RAB3B: variants seen among roughly 807,000 people sequenced by gnomAD.
RAB3B encodes RAB3B, member RAS oncogene family.
RAB3B carries 11 observed loss-of-function variants against 20.5 expected under a neutral mutation model. That is an observed-to-expected ratio of 0.54 (90% CI 0.34 to 0.89). RAB3B has a LOEUF of 0.89. Among genes scored for constraint, RAB3B ranks in the 40% least tolerant of loss-of-function variants. The probability of loss-of-function intolerance (pLI) is 0.02; values close to 1 mark genes in which losing one functional copy is unlikely to be tolerated. For missense variants in RAB3B, 225 were observed against 280.9 expected (o/e 0.80, Z 1.42); for synonymous variants, 99 against 106.3 (o/e 0.93, Z 0.42).
chr1:51,975,032 G>A (rs985409218), intron 2 of RAB3B, among the ~76,000 whole-genome samples: 3 of 151,994 alleles, frequency 2.0e-5, no homozygotes, highest in Admixed American at 6.6e-5. Context: ...TGGTGAACAT[G>A]GTGAAAACCC....
chr1:51,922,685 T>A lies in RAB3B; in HGVS notation c.473-2571A>T, dbSNP rs539713117. Among the ~76,000 whole-genome samples, 5 of 152,004 alleles carry A rather than the reference T, an allele frequency of 3.3e-5. No individual in the cohort carries two copies. The South Asian group carries it at 6.2e-4, about 19-fold the overall frequency. On this transcript the variant is annotated intron_variant, in intron 4 of 4. Transcript: ENST00000371655. ...TCAATAAGCCAGGTCTTTTTTTTTT[T>A]AATTTCATTTTTATTTATTTATTTT...
At chr1:51,943,400 C>T (rs12030726) in intron 2 of RAB3B, among the ~76,000 whole-genome samples, 2 of 87,852 alleles carry the variant, frequency 2.3e-5, no homozygotes, top group African/African-American at 3.6e-5. Flanking sequence ...ATAATAACAA[C>T]AACAACAACA....
At chr1:51,958,825 G>A (rs1161509836) in intron 2 of RAB3B, among the ~76,000 whole-genome samples, 1 of 152,236 alleles carries the variant, frequency 6.6e-6, no homozygotes, top group Non-Finnish European at 1.5e-5. Context: ...AACTGATAGG[G>A]GTGGGGGTGG....
At chr1:51,981,075 G>A (rs1167180) in intron 1 of RAB3B, among the ~76,000 whole-genome samples, 114,290 of 152,028 alleles carry the variant, frequency 0.75, 46,029 homozygotes, top group Middle Eastern at 0.88. Context: ...CTGTCGCCCA[G>A]GCTGGAGTGC....
intron 2 of RAB3B, among the ~76,000 whole-genome samples, chr1:51,966,954 A>T (rs1032185129): frequency 1.3e-5 from 2 of 152,150 alleles, no homozygotes; most frequent in Non-Finnish European, 2.9e-5. Flanking sequence ...GGGTCAAGGG[A>T]CATCACCATG....
At chr1:51,983,465 G>A (rs1446398504) in intron 1 of RAB3B, among the ~76,000 whole-genome samples, 1 of 152,168 alleles carries the variant, frequency 6.6e-6, no homozygotes, top group African/African-American at 2.4e-5. Flanking sequence ...AGGAGCAATA[G>A]GCTATCTATT....
At chr1:51,961,462 G>A (rs1212830227) in intron 2 of RAB3B, among the ~76,000 whole-genome samples, 1 of 152,066 alleles carries the variant, frequency 6.6e-6, no homozygotes, top group Non-Finnish European at 1.5e-5. Context: ...GCAGTTTGGT[G>A]TGAAAAGAAC....
intron 2 of RAB3B, among the ~76,000 whole-genome samples, chr1:51,944,189 C>T (rs967671792): frequency 2.0e-5 from 3 of 152,208 alleles, no homozygotes; most frequent in Non-Finnish European, 2.9e-5. Context: ...TCTACCCTGC[C>T]TGTGCTCTAG....
intron 4 of RAB3B, among the ~76,000 whole-genome samples, chr1:51,923,602 C>G (rs931157123): frequency 3.3e-5 from 5 of 151,980 alleles, no homozygotes; most frequent in Admixed American, 2.0e-4. Flanking sequence ...GTAATCCCAG[C>G]TACTCGGGAG....
At position 51,919,670 on chromosome 1, in the gene RAB3B, T is replaced by C. The variant is rs1684142149; in HGVS notation, c.*257A>G. Reference sequence around the variant, plus strand: ...AAGTCCCTGTAGTGAATCCCCTTCGTAAAACAGAGTCTTCTTTTGTAAAGT... The same window carrying C: ...AAGTCCCTGTAGTGAATCCCCTTCGCAAAACAGAGTCTTCTTTTGTAAAGT... On this transcript the variant is annotated 3_prime_UTR_variant, in exon 5 of 5. Transcript: ENST00000371655. 8.0e-6 allele frequency: 3 copies of C among 372,738 alleles called. No individual in the cohort carries two copies. In the East Asian group the frequency reaches 1.2e-4, roughly 15 times the overall value. 23.1% of individuals were successfully genotyped at this position (372,738 alleles called of 1,614,324 possible). A position where few individuals can be genotyped will look rare whatever the true frequency, so the allele number is the denominator to read the frequency against.
At chr1:51,931,626 T>C (rs1436584557) in intron 4 of RAB3B, among the ~76,000 whole-genome samples, 1 of 152,182 alleles carries the variant, frequency 6.6e-6, no homozygotes, top group African/African-American at 2.4e-5. Flanking sequence ...AAGATTCATT[T>C]CCTGTCTGCA....
chr1:51,983,331 A>G (rs1685111739), intron 1 of RAB3B, among the ~76,000 whole-genome samples: 1 of 152,152 alleles, frequency 6.6e-6, no homozygotes, highest in South Asian at 2.1e-4. Flanking sequence ...CAAAAAAAAA[A>G]ACCATCATAT....
chr1:51,989,103 GCACACA>G lies in RAB3B; in HGVS notation c.-1+1443_-1+1448del, dbSNP rs60307928. Among the ~76,000 whole-genome samples the G allele has an allele frequency of 1.5e-4, 20 of 132,756 alleles. No individual in the cohort carries two copies. The East Asian group carries it at 2.7e-3, about 18-fold the overall frequency. The allele number at this position is 132,756 out of a possible 152,430, so 87.1% of individuals were successfully genotyped here. On this transcript the variant is annotated intron_variant, in intron 1 of 4. Transcript: ENST00000371655. Reference sequence around the variant, plus strand: ...CAGGTGGACACCCACCTGTGCGCGCGCACACACACACACACACACACACACACACAT... The same window carrying G: ...CAGGTGGACACCCACCTGTGCGCGCGCACACACACACACACACACACACAT...
intron 1 of RAB3B, among the ~76,000 whole-genome samples, chr1:51,988,336 G>A (rs1685176742): frequency 6.6e-6 from 1 of 152,074 alleles, no homozygotes; most frequent in African/African-American, 2.4e-5. Context: ...TGTTTTCCCA[G>A]GTCTCCTAGA....
rs765750284 is a variant in RAB3B, at chr1:51,920,039, A to G, written c.548T>C (p.Ile183Thr). ...RQAFERLVDAICDKMSDSLDT... is the reference protein window; with the variant it reads ...RQAFERLVDATCDKMSDSLDT... Reference sequence around the variant, plus strand: ...CAGCGAATCAGACATCTTGTCACAAATGGCATCCACCAGGCGCTCAAAGGC... The same window carrying G: ...CAGCGAATCAGACATCTTGTCACAAGTGGCATCCACCAGGCGCTCAAAGGC... Residue 183 changes from isoleucine (I) to threonine (T), a missense_variant, in exon 5 of 5, where the codon ATT becomes ACT. Physicochemically the swap from Ile to Thr is moderately conservative, Grantham distance 89. Coordinates refer to ENST00000371655, the MANE Select transcript of RAB3B (RefSeq NM_002867.4). The G allele has an allele frequency of 1.2e-6, 2 of 1,613,990 alleles. No individual in the cohort carries two copies. Among genetic ancestry groups the G allele is most frequent in the Non-Finnish European group, 1.7e-6 (2 of 1,180,006 alleles).
At chr1:51,933,581 G>C (rs1285141848) in intron 3 of RAB3B, 139 bp from the exon 4 acceptor site, 18 of 742,392 alleles carry the variant, frequency 2.4e-5, no homozygotes. Flanking sequence ...ATGTAATTAT[G>C]TCAATGAGGC....
At chr1:51,964,011 A>G (rs558920548) in intron 2 of RAB3B, among the ~76,000 whole-genome samples, 1 of 151,510 alleles carries the variant, frequency 6.6e-6, no homozygotes, top group Non-Finnish European at 1.5e-5. Flanking sequence ...AAAAACAAAA[A>G]CCTCTTCTGA....
intron 2 of RAB3B, among the ~76,000 whole-genome samples, chr1:51,950,275 C>T (rs1232613312): frequency 1.3e-5 from 2 of 152,208 alleles, no homozygotes; most frequent in Admixed American, 1.3e-4. Context: ...AGGGACCTGT[C>T]CCTATCTGCC....
intron 4 of RAB3B, among the ~76,000 whole-genome samples, chr1:51,930,471 T>C (rs1684307232): frequency 2.0e-5 from 3 of 152,230 alleles, no homozygotes; most frequent in Admixed American, 6.5e-5. Flanking sequence ...GACTACCACC[T>C]GAGTTGAAAT....
Sources: gnomAD v4.1 joint callset for allele counts (sites outside exome capture counted in the v4.1 genomes callset) on GRCh38, gnomAD v4.1.1 for gene constraint, MANE v1.5 for transcripts, NCBI Gene and HGNC (gene_info 2026-07-23, HGNC 2026-07-21) for gene names.